CD38: variants seen among roughly 807,000 people sequenced by gnomAD.
CD38 encodes the protein CD38 molecule.
In CD38, 31 loss-of-function variants were observed where a neutral mutation model predicts 36.3. The observed-to-expected ratio is 0.85, with a 90% CI of 0.64 to 1.15. The LOEUF is 1.15. CD38 is among the 50% of genes most tolerant of loss of function. The pLI is 0.00. For missense variants in CD38, 380 were observed against 371.9 expected, an observed-to-expected ratio of 1.02 and a Z score of -0.18; for synonymous variants, 131 against 135.2, an observed-to-expected ratio of 0.97 and a Z score of 0.22.
At chr4:15,787,205 C>T (rs748553024) in intron 1 of CD38, among the ~76,000 whole-genome samples, 2 of 152,268 alleles carry the variant, frequency 1.3e-5, no homozygotes, top group Non-Finnish European at 1.5e-5. Flanking sequence ...AGTGGGCGCG[C>T]AGAGGCCGGG....
intron 1 of CD38, among the ~76,000 whole-genome samples, chr4:15,786,478 T>G (rs190806988): frequency 2.4e-4 from 37 of 152,090 alleles, no homozygotes; most frequent in African/African-American, 8.9e-4. Flanking sequence ...ATTCTCTAAG[T>G]CCCTAGTAGA....
intron 1 of CD38, among the ~76,000 whole-genome samples, chr4:15,788,101 A>G (rs138398525): frequency 2.0e-3 from 302 of 152,288 alleles, no homozygotes; most frequent in Non-Finnish European, 3.2e-3. Flanking sequence ...CGGTTCTCCC[A>G]CTACTCTGAC....
At position 15,851,097 on chromosome 4, in the gene CD38, G is replaced by C. The variant is rs374042680; in HGVS notation, c.*2495G>C. ...AGGGGAGGGTGGTCACAAGGATTTT[G>C]CACAGTGCTTTAGAGGGTCCCAGGG... On this transcript the variant is annotated 3_prime_UTR_variant, in exon 8 of 8. Coordinates refer to ENST00000226279, the MANE Select transcript of CD38 (RefSeq NM_001775.4). 1.3e-5 allele frequency: 2 copies of C among 152,418 alleles called. No individual in the cohort carries two copies. Among genetic ancestry groups the C allele is most frequent in the South Asian group, 2.1e-4 (1 of 4,828 alleles). The allele number at this position is 152,418 out of a possible 1,614,324, so 9.4% of individuals were successfully genotyped here. A position where few individuals can be genotyped will look rare whatever the true frequency, so the allele number is the denominator to read the frequency against.
chr4:15,843,349 C>G (rs1222436511), intron 7 of CD38, among the ~76,000 whole-genome samples: 1 of 57,822 alleles, frequency 1.7e-5, no homozygotes, highest in Non-Finnish European at 3.1e-5. Flanking sequence ...ACTTTATAGA[C>G]AAGCAAATGC....
chr4:15,778,797 G>A lies in CD38; in HGVS notation c.233+150G>A. 1 of 599,220 alleles carries A rather than the reference G, an allele frequency of 1.7e-6. No homozygotes were observed. 37.1% of individuals were successfully genotyped at this position (599,220 alleles called of 1,614,324 possible). ...GGTGGTGCTGAGTAGGGAGTCCCGG[G>A]CTCGGGGCTCCGCGGGCCGCTTTCA... On this transcript the variant is annotated intron_variant, in intron 1 of 7. Transcript: ENST00000226279. This position sits in a 1 kb window ranked among gnomAD's most constrained non-coding sequence, Gnocchi z 4.9.
intron 7 of CD38, among the ~76,000 whole-genome samples, chr4:15,841,279 A>G (rs1387893183): frequency 6.6e-6 from 1 of 152,162 alleles, no homozygotes; most frequent in Non-Finnish European, 1.5e-5. Context: ...CAGAGAGGAA[A>G]AGCTGTTCAA....
intron 1 of CD38, among the ~76,000 whole-genome samples, chr4:15,809,731 A>G (rs797016756): frequency 3.3e-5 from 5 of 152,180 alleles, no homozygotes; most frequent in East Asian, 1.9e-4. Flanking sequence ...AACTGCAGGC[A>G]CCCCTAGACG....
Position 15,850,290 on chromosome 4 carries a change from C to T in CD38, c.*1688C>T, listed in dbSNP as rs1377007435. 6.6e-6 allele frequency: 1 copy of T among 152,062 alleles called. No homozygotes were observed. The allele number at this position is 152,062 out of a possible 1,614,324, so 9.4% of individuals were successfully genotyped here. The stretch of plus-strand genomic sequence containing the variant: ...CTCTGGCCTGAGTGACAGATTGAGA[C>T]CCTGTCTCAATAAAAGCAAAAATAA... On this transcript the variant is annotated 3_prime_UTR_variant, in exon 8 of 8. Transcript: ENST00000226279.
chr4:15,825,137 T>C, intron 3 of CD38, 121 bp downstream of exon 3: 1 of 877,226 alleles, frequency 1.1e-6, no homozygotes, highest in Non-Finnish European at 1.7e-6. Flanking sequence ...CCTGATGCCA[T>C]CTATACTTAT....
chr4:15,829,274 CATGAG>C lies in CD38; in HGVS notation c.499+4262_499+4266del, dbSNP rs1234962859. Among the ~76,000 whole-genome samples the C allele has an allele frequency of 2.0e-4, 30 of 151,986 alleles. No homozygotes were observed. In the East Asian group the frequency reaches 5.8e-3, roughly 29 times the overall value. On this transcript the variant is annotated intron_variant, in intron 3 of 7. Transcript: ENST00000226279. ...TAGGTGTATATATGGGATGTGTGTA[CATGAG>C]ATGTTTTGATATAGATATACAGTGC...
At position 15,850,912 on chromosome 4, in the gene CD38, C is replaced by T. The variant is rs371026161; in HGVS notation, c.*2310C>T. The stretch of plus-strand genomic sequence containing the variant: ...TCCTTTCCACTTTGGTTGCTGCTTT[C>T]GGGACTCATCGAGTCCTTGCTCAAC... On this transcript the variant is annotated 3_prime_UTR_variant, in exon 8 of 8. Coordinates refer to ENST00000226279, the MANE Select transcript of CD38 (RefSeq NM_001775.4). 3.4e-4 allele frequency: 51 copies of T among 152,180 alleles called. No individual in the cohort carries two copies. The highest frequency in any genetic ancestry group is 1.2e-3 in the African/African-American group (48 of 41,432). 9.4% of individuals were successfully genotyped at this position (152,180 alleles called of 1,614,324 possible). A position where few individuals can be genotyped will look rare whatever the true frequency, so the allele number is the denominator to read the frequency against.
At chr4:15,825,049 G>C in intron 3 of CD38, 33 bp downstream of exon 3, 1 of 1,574,722 alleles carries the variant, frequency 6.4e-7, no homozygotes, top group Non-Finnish European at 8.6e-7. Flanking sequence ...ATTGCCCAGG[G>C]ATGTGGAGGG....
chr4:15,840,784 G>A (rs528967548), intron 7 of CD38, among the ~76,000 whole-genome samples: 1 of 152,236 alleles, frequency 6.6e-6, no homozygotes, highest in African/African-American at 2.4e-5. Flanking sequence ...AGTAGGACTT[G>A]CCTCTAAAGC....
intron 1 of CD38, among the ~76,000 whole-genome samples, chr4:15,810,453 G>T (rs1723444357): frequency 6.6e-6 from 1 of 152,100 alleles, no homozygotes; most frequent in African/African-American, 2.4e-5. Flanking sequence ...GTTTTACAAG[G>T]GAGTTGGAGT....
At chr4:15,783,461 G>A (rs1404312821) in intron 1 of CD38, among the ~76,000 whole-genome samples, 4 of 152,224 alleles carry the variant, frequency 2.6e-5, no homozygotes, top group African/African-American at 9.6e-5. Context: ...GATGGGAGCA[G>A]GCATTTCTGA....
At chr4:15,786,113 C>A (rs548114401) in intron 1 of CD38, among the ~76,000 whole-genome samples, 4 of 152,184 alleles carry the variant, frequency 2.6e-5, no homozygotes, top group African/African-American at 9.7e-5. Flanking sequence ...CTCATAAAAG[C>A]ACTGTGGACC....
Position 15,778,509 on chromosome 4 carries a change from TC to T in CD38, c.97del (p.Leu33Ter). The T allele has an allele frequency of 1.9e-6, 3 of 1,613,682 alleles. No homozygotes were observed. The highest frequency in any genetic ancestry group is 2.5e-6 in the Non-Finnish European group (3 of 1,179,954). ...AQLCLGVSIL[V>X]LILVVVLAVV... ...CTCTGTCTTGGCGTCAGTATCCTGGTCCTGATCCTCGTCGTGGTGCTCGCGG... is the reference window on the plus strand; with the variant it reads ...CTCTGTCTTGGCGTCAGTATCCTGGTCTGATCCTCGTCGTGGTGCTCGCGG... On this transcript the variant is annotated frameshift_variant, in exon 1 of 8. Transcript: ENST00000226279. LOFTEE classifies it high-confidence loss of function. The surrounding 1 kb of genome is among the most constrained non-coding windows in gnomAD (Gnocchi z 4.9).
intron 1 of CD38, among the ~76,000 whole-genome samples, chr4:15,795,234 T>C (rs563383794): frequency 6.6e-6 from 1 of 152,250 alleles, no homozygotes; most frequent in African/African-American, 2.4e-5. Context: ...TGTGTGTGTG[T>C]GTATTTCACA....
intron 1 of CD38, among the ~76,000 whole-genome samples, chr4:15,805,932 A>G (rs1723331386): frequency 6.6e-6 from 1 of 152,202 alleles, no homozygotes; most frequent in African/African-American, 2.4e-5. Context: ...AATTTAAAGG[A>G]CGAGTGTAAT....
Sources: gnomAD v4.1 joint callset for allele counts (sites outside exome capture counted in the v4.1 genomes callset) on GRCh38, gnomAD v4.1.1 for gene constraint, Gnocchi (gnomAD v3.1) non-coding constraint, MANE v1.5 for transcripts, NCBI Gene and HGNC (gene_info 2026-07-23, HGNC 2026-07-21) for gene names.